The following SDK1 variants were observed in gnomAD, a reference collection of about 807,000 sequenced individuals.
SDK1 encodes the protein protein sidekick-1.
Under a neutral mutation model 245.5 loss-of-function variants are expected in SDK1, and 157 were observed. That is an observed-to-expected ratio of 0.64 (90% CI 0.56 to 0.73). SDK1 has a LOEUF of 0.73. Among genes scored for constraint, SDK1 ranks in the 30% least tolerant of loss-of-function variants. The pLI is 0.00. For missense variants in SDK1, 3,583 were observed against 3,002.3 expected (o/e 1.19, Z -4.52); for synonymous variants, 1,647 against 1,278.5 (o/e 1.29, Z -6.15).
Position 4,064,141 on chromosome 7 carries a change from C to T in SDK1, c.2912-3697C>T, listed in dbSNP as rs187768828. Among the ~76,000 whole-genome samples, 224 of 152,252 alleles carry T rather than the reference C, an allele frequency of 1.5e-3. 1 individual carries two copies. The highest frequency in any genetic ancestry group is 5.2e-3 in the African/African-American group (218 of 41,556). ...GGAAATGGTAAACAGAGTGAAGAGA[C>T]AGCCTGTTGAATGGGAGAAAATATT... On this transcript the variant is annotated intron_variant, in intron 19 of 44. Coordinates refer to ENST00000404826, the MANE Select transcript of SDK1 (RefSeq NM_152744.4).
At chr7:3,878,241 C>T (rs1781120719) in intron 5 of SDK1, among the ~76,000 whole-genome samples, 1 of 151,968 alleles carries the variant, frequency 6.6e-6, no homozygotes, top group African/African-American at 2.4e-5. Context: ...AGGCTTTTGG[C>T]CGGGTGCGGT....
intron 38 of SDK1, among the ~76,000 whole-genome samples, chr7:4,218,848 T>C (rs563733272): frequency 2.0e-5 from 3 of 152,292 alleles, no homozygotes; most frequent in South Asian, 4.1e-4. Context: ...GATTAATCTA[T>C]TGAAAGTTCT....
At chr7:4,084,724 ATGTTATGTTG>A (rs1255962482) in intron 22 of SDK1, among the ~76,000 whole-genome samples, 25 of 115,582 alleles carry the variant, frequency 2.2e-4, no homozygotes, top group Non-Finnish European at 4.3e-4. Context: ...ATGTTATGTT[ATGTTATGTTG>A]TTACTTAAAT....
intron 5 of SDK1, among the ~76,000 whole-genome samples, chr7:3,894,698 CTTTTTT>C (rs942252289): frequency 7.4e-6 from 1 of 135,462 alleles, no homozygotes. Context: ...ACTATTTTTT[CTTTTTT>C]TTTTTTTTTT....
chr7:4,038,826 A>G (rs1249523848), intron 17 of SDK1, among the ~76,000 whole-genome samples: 1 of 152,198 alleles, frequency 6.6e-6, no homozygotes, highest in Non-Finnish European at 1.5e-5. Context: ...CTTTTTCTGT[A>G]TGAGATCAAT....
intron 22 of SDK1, among the ~76,000 whole-genome samples, chr7:4,089,125 C>T (rs528682529): frequency 2.7e-5 from 4 of 146,402 alleles, no homozygotes; most frequent in Admixed American, 1.3e-4. Flanking sequence ...TGAGACCCTC[C>T]CTCAGGCGGA....
At chr7:3,890,817 C>A (rs1781440794) in intron 5 of SDK1, among the ~76,000 whole-genome samples, 1 of 152,126 alleles carries the variant, frequency 6.6e-6, no homozygotes, top group South Asian at 2.1e-4. Context: ...TGGTGGGTGC[C>A]TGTAGTCCCA....
At chr7:4,172,547 T>C (rs373176879) in intron 32 of SDK1, among the ~76,000 whole-genome samples, 2 of 152,132 alleles carry the variant, frequency 1.3e-5, no homozygotes, top group Admixed American at 1.3e-4. Context: ...TGGGTTCAGA[T>C]AGTGAGGACC....
intron 4 of SDK1, among the ~76,000 whole-genome samples, chr7:3,713,488 G>A (rs78684644): frequency 6.6e-6 from 1 of 152,176 alleles, no homozygotes; most frequent in East Asian, 1.9e-4. Context: ...TTCTTGCCTT[G>A]AGTGTCTTAG....
At chr7:3,349,606 T>C (rs1780603052) in intron 1 of SDK1, among the ~76,000 whole-genome samples, 1 of 152,148 alleles carries the variant, frequency 6.6e-6, no homozygotes, top group East Asian at 1.9e-4. Context: ...CATGTATCTT[T>C]TATTTTTTTT....
intron 2 of SDK1, among the ~76,000 whole-genome samples, chr7:3,622,246 G>A (rs1198448302): frequency 1.2e-4 from 19 of 152,162 alleles, no homozygotes; most frequent in Admixed American, 1.2e-3. Flanking sequence ...GGGAGGGTGA[G>A]GCAGGCGGAT....
intron 32 of SDK1, among the ~76,000 whole-genome samples, chr7:4,171,306 A>G (rs1361837973): frequency 6.6e-6 from 1 of 152,096 alleles, no homozygotes; most frequent in Non-Finnish European, 1.5e-5. Flanking sequence ...CTCTAGCTCT[A>G]TTACTGGAGG....
intron 32 of SDK1, among the ~76,000 whole-genome samples, chr7:4,166,506 A>G (rs1374511937): frequency 6.6e-6 from 1 of 152,254 alleles, no homozygotes; most frequent in Non-Finnish European, 1.5e-5. Flanking sequence ...CCCCCGGCAC[A>G]GCCTGAGGAA....
Position 3,824,442 on chromosome 7 carries a change from C to T in SDK1, c.847+2859C>T, listed in dbSNP as rs564916812. Among the ~76,000 whole-genome samples, 17 of 152,268 alleles carry T rather than the reference C, an allele frequency of 1.1e-4. No individual in the cohort carries two copies. The South Asian group carries it at 2.9e-3, about 26-fold the overall frequency. On this transcript the variant is annotated intron_variant, in intron 5 of 44. Coordinates refer to ENST00000404826, the MANE Select transcript of SDK1 (RefSeq NM_152744.4). The stretch of plus-strand genomic sequence containing the variant: ...ATGTAGTGAACACCATCGGGATGAT[C>T]GGGTACTGGTAATTAAATTCCTGGT...
In SDK1 at chr7:3,695,158, C is replaced by T. The variant is rs113789186; in HGVS notation, c.713+53053C>T. Among the ~76,000 whole-genome samples, 626 of 152,292 alleles carry T rather than the reference C, an allele frequency of 4.1e-3. 8 individuals are homozygous for T. Among genetic ancestry groups the T allele is most frequent in the African/African-American group, 0.014 (586 of 41,564 alleles). ...AAAAATATTTATCAGTACCTGATCA[C>T]AGAATTCTTACAAGACAGCATGGTC... On this transcript the variant is annotated intron_variant, in intron 4 of 44. Transcript: ENST00000404826.
At chr7:3,692,999 C>G (rs73672144) in intron 4 of SDK1, among the ~76,000 whole-genome samples, 1 of 151,894 alleles carries the variant, frequency 6.6e-6, no homozygotes, top group African/African-American at 2.4e-5. Flanking sequence ...TGCCAGTTTT[C>G]TGTTGAGATG....
At chr7:4,060,413 G>C (rs1049961309) in intron 19 of SDK1, among the ~76,000 whole-genome samples, 2 of 152,186 alleles carry the variant, frequency 1.3e-5, no homozygotes, top group African/African-American at 4.8e-5. Context: ...AACAATACAT[G>C]TGTTTTTTGG....
intron 4 of SDK1, among the ~76,000 whole-genome samples, chr7:3,818,325 A>T (rs993551705): frequency 1.6e-4 from 24 of 152,230 alleles, no homozygotes; most frequent in Admixed American, 1.4e-3. Flanking sequence ...GGTAATTCAT[A>T]TTATGGGCAA....
At chr7:3,549,971 C>T (rs192708676) in intron 1 of SDK1, among the ~76,000 whole-genome samples, 1 of 151,990 alleles carries the variant, frequency 6.6e-6, no homozygotes, top group East Asian at 1.9e-4. Context: ...CTCCTTTAAC[C>T]TACATCTTAA....
Sources: allele counts gnomAD v4.1 joint callset (sites outside exome capture counted in the v4.1 genomes callset), GRCh38; gene constraint gnomAD v4.1.1; transcripts MANE v1.5; gene names NCBI Gene and HGNC (gene_info 2026-07-23, HGNC 2026-07-21).